CFAP206: variants seen among roughly 807,000 people sequenced by gnomAD.
CFAP206 encodes cilia and flagella associated protein 206.
A neutral mutation model predicts 65.4 loss-of-function variants in CFAP206; 53 were observed. That is an observed-to-expected ratio of 0.81 (90% confidence interval 0.65 to 1.02). The LOEUF is 1.02. Ranked by LOEUF, CFAP206 falls within the 50% of genes least tolerant of loss-of-function variation. The pLI is 0.00. For missense variants in CFAP206, 663 were observed against 753.2 expected, an observed-to-expected ratio of 0.88 and a Z score of 1.40; for synonymous variants, 250 against 254.4, an observed-to-expected ratio of 0.98 and a Z score of 0.17.
chr6:87,448,629 C>A (rs945557353), intron 11 of CFAP206, among the ~76,000 whole-genome samples: 7 of 152,082 alleles, frequency 4.6e-5, no homozygotes, highest in Non-Finnish European at 1.5e-5. Context: ...GTAATTTTGT[C>A]CCCATTAGCT....
Position 87,416,751 on chromosome 6 carries a change from A to G in CFAP206, c.555A>G (p.Lys185=), listed in dbSNP as rs1767838973. 2.5e-6 allele frequency: 4 copies of G among 1,613,946 alleles called. No individual in the cohort carries two copies. Among genetic ancestry groups the G allele is most frequent in the Non-Finnish European group, 3.4e-6 (4 of 1,179,912 alleles). The change falls in exon 6 of 13, where the codon AAA becomes AAG. Residue 185 remains lysine, a synonymous_variant. Coordinates refer to ENST00000369562, the MANE Select transcript of CFAP206 (RefSeq NM_001031743.3). The part of the protein sequence containing the change: ...LSKKDKERQL[K]ELTMIVTGIR... Reference sequence around the variant, plus strand: ...AGAAGGACAAAGAACGCCAGCTGAAAGAACTCACCATGATTGTTACTGGAA... The same window carrying G: ...AGAAGGACAAAGAACGCCAGCTGAAGGAACTCACCATGATTGTTACTGGAA...
In CFAP206 at chr6:87,428,733, T is replaced by G. The variant is rs752577387; in HGVS notation, c.1068T>G (p.Ala356=). 2.5e-6 allele frequency: 4 copies of G among 1,614,056 alleles called. No homozygotes were observed. The Admixed American group carries it at 6.7e-5, about 27-fold the overall frequency. Residue 356 remains alanine, a synonymous_variant, in exon 9 of 13, where the codon GCT becomes GCG. Transcript: ENST00000369562. ...LFTHIQPFLG[A]HELYFPERVM... is the part of the protein sequence containing the mutation. Reference sequence around the variant, plus strand: ...CTCACATTCAGCCATTCTTGGGTGCTCACGAACTATACTTTCCTGAGAGAG... The same window carrying G: ...CTCACATTCAGCCATTCTTGGGTGCGCACGAACTATACTTTCCTGAGAGAG...
rs185223584 is a variant in CFAP206 at position 87,414,898 on chromosome 6, T to A, written c.284-788T>A. On this transcript the variant is annotated intron_variant, in intron 4 of 12. Coordinates refer to ENST00000369562, the MANE Select transcript of CFAP206 (RefSeq NM_001031743.3). ...TGATAAAATTTAACCTATAGATTTT[T>A]AAATTTGTTATTTAAACATATTTTT... Among the ~76,000 whole-genome samples the A allele has an allele frequency of 1.4e-3, 213 of 152,364 alleles. 5 individuals carry two copies. The East Asian group carries it at 0.031, about 22-fold the overall frequency.
chr6:87,408,221 C>A, intron 1 of CFAP206, 132 bp downstream of exon 1: 1 of 259,502 alleles, frequency 3.9e-6, no homozygotes, highest in Non-Finnish European at 6.0e-6. Flanking sequence ...CTCTCAGTCT[C>A]GATCCTTTAG....
At chr6:87,444,365 T>C in intron 11 of CFAP206, 1 of 218,280 alleles carries the variant, frequency 4.6e-6, no homozygotes, top group South Asian at 8.3e-5. Flanking sequence ...TGCGTTTCCT[T>C]CACCAAGGGC....
chr6:87,464,325 A>G lies in CFAP206; in HGVS notation c.*75A>G. ...AGTACTTAAAGGTATATTAACATCT[A>G]TACAAATTAATTTTGTAGGGGTGGC... is the stretch of plus-strand genomic sequence containing the variant. On this transcript the variant is annotated 3_prime_UTR_variant, in exon 13 of 13. Transcript: ENST00000369562. 1 of 1,140,014 alleles carries G rather than the reference A, an allele frequency of 8.8e-7. No homozygotes were observed. Among genetic ancestry groups the G allele is most frequent in the Non-Finnish European group, 1.2e-6 (1 of 830,282 alleles). The allele number at this position is 1,140,014 out of a possible 1,614,324, so 70.6% of individuals were successfully genotyped here. A position where few individuals can be genotyped will look rare whatever the true frequency, so the allele number is the denominator to read the frequency against.
At chr6:87,459,437 G>A (rs1433625520) in intron 11 of CFAP206, among the ~76,000 whole-genome samples, 3 of 152,054 alleles carry the variant, frequency 2.0e-5, no homozygotes, top group Non-Finnish European at 2.9e-5. Context: ...TTTGTTAAAA[G>A]ATAGTTTTCA....
At chr6:87,424,404 C>T (rs1416846191) in intron 7 of CFAP206, among the ~76,000 whole-genome samples, 2 of 152,000 alleles carry the variant, frequency 1.3e-5, no homozygotes, top group Non-Finnish European at 2.9e-5. Flanking sequence ...CTCAGCCTCC[C>T]GAGTAGCTGG....
chr6:87,434,230 C>T (rs1768211642), intron 10 of CFAP206, among the ~76,000 whole-genome samples: 2 of 151,956 alleles, frequency 1.3e-5, no homozygotes, highest in African/African-American at 2.4e-5. Context: ...GGTGAAACCC[C>T]ATCTCTACAA....
chr6:87,423,684 G>A (rs1767988257), intron 7 of CFAP206, among the ~76,000 whole-genome samples: 1 of 152,208 alleles, frequency 6.6e-6, no homozygotes, highest in South Asian at 2.1e-4. Context: ...TTTAAAGACT[G>A]CATTTTCGTA....
At chr6:87,411,499 T>C (rs1470082032) in intron 3 of CFAP206, among the ~76,000 whole-genome samples, 1 of 136,324 alleles carries the variant, frequency 7.3e-6, no homozygotes. Flanking sequence ...ACTCTGTTGA[T>C]TATTCATTTT....
intron 11 of CFAP206, among the ~76,000 whole-genome samples, chr6:87,458,401 A>G (rs959665942): frequency 1.3e-5 from 2 of 152,204 alleles, no homozygotes; most frequent in Non-Finnish European, 1.5e-5. Context: ...ACAGTAGCCA[A>G]GATTTGGAAG....
At chr6:87,410,790 C>G in intron 3 of CFAP206, 122 bp downstream of exon 3, 1 of 748,466 alleles carries the variant, frequency 1.3e-6, no homozygotes, top group Non-Finnish European at 2.2e-6. Context: ...GTAGTATACA[C>G]GAGATATTTT....
chr6:87,444,224 AC>A (rs1486519081), intron 11 of CFAP206, among the ~76,000 whole-genome samples: 2 of 152,200 alleles, frequency 1.3e-5, no homozygotes, highest in African/African-American at 2.4e-5. Context: ...ATGGCAAACC[AC>A]TGTAAAATGC....
intron 1 of CFAP206, 125 bp from the exon 2 acceptor site, chr6:87,409,710 T>C (rs1767696540): frequency 1.6e-6 from 1 of 619,166 alleles, no homozygotes; most frequent in Non-Finnish European, 2.8e-6. Context: ...CTAATAAAAA[T>C]GCTAATAAGC....
chr6:87,440,918 A>G (rs1451947649), intron 11 of CFAP206, among the ~76,000 whole-genome samples: 1 of 152,222 alleles, frequency 6.6e-6, no homozygotes, highest in East Asian at 1.9e-4. Flanking sequence ...TTTTTTCTAC[A>G]AGCACTCCAT....
In CFAP206 at chr6:87,431,742, G is replaced by T. The variant is rs114469443; in HGVS notation, c.1300+569G>T. Among the ~76,000 whole-genome samples, 460 of 152,236 alleles carry T rather than the reference G, an allele frequency of 3.0e-3. 4 individuals carry two copies. The highest frequency in any genetic ancestry group is 0.011 in the African/African-American group (445 of 41,504). The stretch of plus-strand genomic sequence containing the variant: ...GATAACTCCACTGCACTTCAGCTGG[G>T]CAACAAAGTGAGACTGTCTCAAAAA... On this transcript the variant is annotated intron_variant, in intron 10 of 12. Transcript: ENST00000369562.
At chr6:87,444,779 C>A in intron 11 of CFAP206, 1 of 515,974 alleles carries the variant, frequency 1.9e-6, no homozygotes, top group South Asian at 1.5e-5. Context: ...ATTTTCTAGG[C>A]CCTAGGTTGA....
intron 11 of CFAP206, among the ~76,000 whole-genome samples, chr6:87,449,700 CTG>C (rs1163411425): frequency 6.6e-6 from 1 of 152,070 alleles, no homozygotes; most frequent in Non-Finnish European, 1.5e-5. Flanking sequence ...TTTTGCTGAG[CTG>C]AGTTCCTTGT....
Sources: gnomAD v4.1 joint callset for allele counts (sites outside exome capture counted in the v4.1 genomes callset) on GRCh38, gnomAD v4.1.1 for gene constraint, MANE v1.5 for transcripts, NCBI Gene and HGNC (gene_info 2026-07-23, HGNC 2026-07-21) for gene names.